PSKH2: variants seen among roughly 807,000 people sequenced by gnomAD.
The protein encoded by PSKH2 is protein serine kinase H2, also known as serine/threonine-protein kinase H2.
Under a neutral mutation model 22.5 loss-of-function variants are expected in PSKH2, and 16 were observed. The ratio of observed to expected loss-of-function variants is 0.71; its 90% CI spans 0.48 to 1.08. The LOEUF (loss-of-function observed/expected upper bound fraction) is 1.08, where lower values mean the gene tolerates loss of function less well. Among genes scored for constraint, PSKH2 ranks in the 50% least tolerant of loss-of-function variants. PSKH2 has a pLI of 0.00. For synonymous variants in PSKH2, 188 were observed against 184.8 expected, an observed-to-expected ratio of 1.02 and a Z score of -0.14; for missense variants, 516 against 492.8, an observed-to-expected ratio of 1.05 and a Z score of -0.44.
At chr8:86,054,920 G>GA (rs1183822119) in intron 2 of PSKH2, among the ~76,000 whole-genome samples, 13 of 152,052 alleles carry the variant, frequency 8.5e-5, no homozygotes, top group African/African-American at 2.9e-4. Flanking sequence ...CAAAGCACCA[G>GA]AAGTTAACAA....
At chr8:86,061,229 G>A (rs2130162020) in intron 2 of PSKH2, among the ~76,000 whole-genome samples, 1 of 152,188 alleles carries the variant, frequency 6.6e-6, no homozygotes, top group African/African-American at 2.4e-5. Context: ...TGTCTCCCCA[G>A]GAGTCTATCC....
Position 86,055,284 on chromosome 8 carries a change from T to C in PSKH2, c.853-6517A>G, listed in dbSNP as rs527512075. Among the ~76,000 whole-genome samples the C allele has an allele frequency of 3.4e-4, 52 of 152,282 alleles. 1 individual carries two copies. The highest frequency in any genetic ancestry group is 9.2e-4 in the Admixed American group (14 of 15,298). On this transcript the variant is annotated intron_variant, in intron 2 of 2. Coordinates refer to ENST00000276616, the MANE Select transcript of PSKH2 (RefSeq NM_033126.3). ...AAGGAAGCAGATAGCATAGCTACGT[T>C]TATACCCTAATCACTAATGCAAGGT...
At chr8:86,054,210 A>T (rs1049899794) in intron 2 of PSKH2, among the ~76,000 whole-genome samples, 1 of 151,986 alleles carries the variant, frequency 6.6e-6, no homozygotes. Flanking sequence ...TAATTAAATA[A>T]TTTTTTTAAA....
Position 86,065,598 on chromosome 8 carries a change from G to T in PSKH2, c.186-967C>A, listed in dbSNP as rs111846669. On this transcript the variant is annotated intron_variant, in intron 1 of 2. Transcript: ENST00000276616. Reference sequence around the variant, plus strand: ...CCCTGAACTTAAAATAAAAGTTGAAGAAAAAAAGGCCAGGATATCAGCTCA... The same window carrying T: ...CCCTGAACTTAAAATAAAAGTTGAATAAAAAAAGGCCAGGATATCAGCTCA... Among the ~76,000 whole-genome samples, 544 of 152,098 alleles carry T rather than the reference G, an allele frequency of 3.6e-3. 3 individuals carry two copies. Among genetic ancestry groups the T allele is most frequent in the African/African-American group, 0.013 (528 of 41,500 alleles).
At position 86,048,740 on chromosome 8, in the gene PSKH2, T is replaced by C. The variant is rs766045619; in HGVS notation, c.880A>G (p.Lys294Glu). The change falls in exon 3 of 3, where the codon AAG (lysine) becomes GAG (glutamate). Residue 294 changes from lysine to glutamate, a missense_variant. Coordinates refer to ENST00000276616, the MANE Select transcript of PSKH2 (RefSeq NM_033126.3). ...ATCAGTAGTTTGTCTATAAAGTCCT[T>C]CGCCAAGTGGGAAATGCTTGGCCAA... is the stretch of plus-strand genomic sequence containing the variant. ...EPWPSISHLA[K>E]DFIDKLLILE... 1 of 1,610,812 alleles carries C rather than the reference T, an allele frequency of 6.2e-7. No homozygotes were observed. Among genetic ancestry groups the C allele is most frequent in the East Asian group, 2.2e-5 (1 of 44,798 alleles).
rs563231373 is a variant in PSKH2 at position 86,052,851 on chromosome 8, CT to C, written c.853-4085del. ...TGTAATATTTGTGGATATTTCAGGC[CT>C]TTTTCCCCTTTTCTTCTTTCTTCCT... On this transcript the variant is annotated intron_variant, in intron 2 of 2. Transcript: ENST00000276616. 9.5e-4 allele frequency among the ~76,000 whole-genome samples: 145 copies of C among 152,182 alleles called. 1 individual carries two copies. The highest frequency in any genetic ancestry group is 3.4e-3 in the African/African-American group (143 of 41,534).
At position 86,064,543 on chromosome 8, in the gene PSKH2, T is replaced by A; in HGVS notation, c.274A>T (p.Lys92Ter). 1 of 1,614,044 alleles carries A rather than the reference T, an allele frequency of 6.2e-7. No individual in the cohort carries two copies. The highest frequency in any genetic ancestry group is 2.2e-5 in the East Asian group (1 of 44,854). The change falls in exon 2 of 3, where the codon AAA becomes TAA. Residue 92 changes from lysine (K) to a stop codon, truncating the protein, a stop_gained. Coordinates refer to ENST00000276616, the MANE Select transcript of PSKH2 (RefSeq NM_033126.3). LOFTEE classifies it high-confidence loss of function. Reference sequence around the variant, plus strand: ...TCCCTCTCTCTGGTTTCCATCACTTTTATTGCAAAAGGTTTCTTGGTGGTC... The same window carrying A: ...TCCCTCTCTCTGGTTTCCATCACTTATATTGCAAAAGGTTTCTTGGTGGTC... ...QKTTKKPFAIKVMETREREGR... is the reference protein window; with the variant it reads ...QKTTKKPFAI
chr8:86,069,472 A>G lies in PSKH2; in HGVS notation c.151T>C (p.Phe51Leu). 1.2e-6 allele frequency: 2 copies of G among 1,600,194 alleles called. No individual in the cohort carries two copies. The highest frequency in any genetic ancestry group is 1.7e-6 in the Non-Finnish European group (2 of 1,175,018). ...QAAQRIQVAR[F>L]RAKFDPRVLA... The stretch of plus-strand genomic sequence containing the variant: ...ACCCGGGGGTCGAACTTGGCTCGGA[A>G]GCGAGCCACCTGTATCCTCTGCGCC... Residue 51 changes from phenylalanine to leucine, a missense_variant, in exon 1 of 3, where the codon TTC becomes CTC. By Grantham distance (22) the Phe-to-Leu change is conservative (BLOSUM62 0). Transcript: ENST00000276616.
intron 1 of PSKH2, 45 bp downstream of exon 1, chr8:86,069,389 TTTTC>T: frequency 1.3e-6 from 2 of 1,486,078 alleles, no homozygotes; most frequent in Non-Finnish European, 1.8e-6. Flanking sequence ...GGCCAGGGGT[TTTTC>T]TTTGTCAGCC....
intron 1 of PSKH2, among the ~76,000 whole-genome samples, chr8:86,066,977 T>C (rs1049817541): frequency 6.6e-6 from 1 of 152,218 alleles, no homozygotes; most frequent in Middle Eastern, 3.2e-3. Context: ...ATTACCTCTA[T>C]TGTGGATGAA....
Position 86,057,313 on chromosome 8 carries a change from C to CACACACAT in PSKH2, c.852+6651_852+6652insATGTGTGT, listed in dbSNP as rs55664585. Reference sequence around the variant, plus strand: ...ACACACACACACACACACATACACACAAATGCATGCATCTGAGCTCTAAAG... The same window carrying CACACACAT: ...ACACACACACACACACACATACACACACACACATAAATGCATGCATCTGAGCTCTAAAG... On this transcript the variant is annotated intron_variant, in intron 2 of 2. Transcript: ENST00000276616. Among the ~76,000 whole-genome samples, 470 of 151,136 alleles carry CACACACAT rather than the reference C, an allele frequency of 3.1e-3. 2 individuals are homozygous for CACACACAT. Among genetic ancestry groups the CACACACAT allele is most frequent in the Middle Eastern group, 0.014 (4 of 294 alleles).
intron 2 of PSKH2, among the ~76,000 whole-genome samples, chr8:86,058,518 T>A (rs1817735322): frequency 6.6e-6 from 1 of 152,242 alleles, no homozygotes; most frequent in Non-Finnish European, 1.5e-5. Context: ...TTATTTGTAA[T>A]TGAATGCATT....
chr8:86,056,912 T>TC (rs1481374472), intron 2 of PSKH2, among the ~76,000 whole-genome samples: 3 of 151,214 alleles, frequency 2.0e-5, no homozygotes, highest in Non-Finnish European at 4.4e-5. Flanking sequence ...GAGTTTTTTT[T>TC]TTTTTTTGGT....
Position 86,048,264 on chromosome 8 carries a change from C to T in PSKH2, c.*198G>A. The T allele has an allele frequency of 2.0e-6, 1 of 496,788 alleles. No homozygotes were observed. Among genetic ancestry groups the T allele is most frequent in the African/African-American group, 1.9e-5 (1 of 52,428 alleles). 30.8% of individuals were successfully genotyped at this position (496,788 alleles called of 1,614,324 possible). ...CTAAACATAGCTAGTATTTACTAAACTGTTAATCATTTGCAGCAGTATATT... is the reference window on the plus strand; with the variant it reads ...CTAAACATAGCTAGTATTTACTAAATTGTTAATCATTTGCAGCAGTATATT... On this transcript the variant is annotated 3_prime_UTR_variant, in exon 3 of 3. Transcript: ENST00000276616.
chr8:86,064,662 C>A, intron 1 of PSKH2, 31 bp from the exon 2 acceptor site: 1 of 1,540,732 alleles, frequency 6.5e-7, no homozygotes, highest in Non-Finnish European at 8.8e-7. Flanking sequence ...ACATGTTATC[C>A]CCAGAAGTGA....
rs1817768161 is a variant in PSKH2, at chr8:86,060,892, C to T, written c.852+3073G>A. On this transcript the variant is annotated intron_variant, in intron 2 of 2. Coordinates refer to ENST00000276616, the MANE Select transcript of PSKH2 (RefSeq NM_033126.3). ...TCCCACCATGGAGATGCTGTTAATG[C>T]TCCATCTAGACCCTGGGCCCCTCTT... is the stretch of plus-strand genomic sequence containing the variant. 2.0e-5 allele frequency among the ~76,000 whole-genome samples: 3 copies of T among 152,330 alleles called. No homozygotes were observed. In the South Asian group the frequency reaches 6.2e-4, roughly 32 times the overall value.
chr8:86,057,313 C>CACATAT (rs55664585), intron 2 of PSKH2, among the ~76,000 whole-genome samples: 1 of 151,026 alleles, frequency 6.6e-6, no homozygotes, highest in Non-Finnish European at 1.5e-5. Flanking sequence ...CACATACACA[C>CACATAT]AAATGCATGC....
At chr8:86,049,242 C>A (rs1817575377) in intron 2 of PSKH2, among the ~76,000 whole-genome samples, 1 of 152,094 alleles carries the variant, frequency 6.6e-6, no homozygotes, top group South Asian at 2.1e-4. Context: ...ATTGAGAAAT[C>A]ATCAACTTTT....
intron 1 of PSKH2, among the ~76,000 whole-genome samples, chr8:86,067,138 G>A (rs1400768934): frequency 6.6e-6 from 1 of 152,028 alleles, no homozygotes; most frequent in East Asian, 1.9e-4. Context: ...TACTGTTAAG[G>A]GGGCTTCATA....
Sources: allele counts gnomAD v4.1 joint callset (sites outside exome capture counted in the v4.1 genomes callset), GRCh38; gene constraint gnomAD v4.1.1; transcripts MANE v1.5; gene names NCBI Gene and HGNC (gene_info 2026-07-23, HGNC 2026-07-21).